Variants in CALCRL observed in about 807,000 individuals in gnomAD.
The protein encoded by CALCRL is calcitonin receptor like receptor, also known as calcitonin gene-related peptide type 1 receptor.
In CALCRL, 27 loss-of-function variants were observed where a neutral mutation model predicts 60.4. The ratio of observed to expected loss-of-function variants is 0.45; its 90% CI spans 0.33 to 0.62. The LOEUF (loss-of-function observed/expected upper bound fraction) is 0.62, where lower values mean the gene tolerates loss of function less well. CALCRL is among the 20% of genes least tolerant of loss of function. The pLI, the probability that CALCRL is intolerant of heterozygous loss-of-function variation, is 0.03. For synonymous variants in CALCRL, 190 were observed against 182.6 expected, an observed-to-expected ratio of 1.04 and a Z score of -0.33; for missense variants, 424 against 540.7, an observed-to-expected ratio of 0.78 and a Z score of 2.14.
intron 1 of CALCRL, among the ~76,000 whole-genome samples, chr2:187,439,902 G>A (rs1323186396): frequency 6.6e-6 from 1 of 152,110 alleles, no homozygotes; most frequent in Non-Finnish European, 1.5e-5. Context: ...GACATTTAAA[G>A]CTGGAATACA....
chr2:187,356,120 G>T (rs1686771302), intron 12 of CALCRL, among the ~76,000 whole-genome samples: 1 of 152,088 alleles, frequency 6.6e-6, no homozygotes, highest in Non-Finnish European at 1.5e-5. Context: ...AGCTACTATT[G>T]ACTTTCTTCA....
At chr2:187,421,382 G>A (rs1226145213) in intron 1 of CALCRL, among the ~76,000 whole-genome samples, 3 of 152,096 alleles carry the variant, frequency 2.0e-5, no homozygotes, top group Admixed American at 6.6e-5. Context: ...CTCAGAACAT[G>A]AGACTTCCAG....
intron 5 of CALCRL, among the ~76,000 whole-genome samples, chr2:187,382,558 C>G (rs778114221): frequency 2.0e-5 from 3 of 151,982 alleles, no homozygotes; most frequent in Non-Finnish European, 4.4e-5. Context: ...TTAAGGTTGC[C>G]AGGTAAAATA....
At chr2:187,381,524 C>T (rs1687985855) in intron 5 of CALCRL, among the ~76,000 whole-genome samples, 3 of 150,588 alleles carry the variant, frequency 2.0e-5, no homozygotes, top group South Asian at 4.2e-4. Flanking sequence ...GGTGTGATCT[C>T]GGCTCACTGC....
At chr2:187,390,105 G>C (rs1688371150) in intron 1 of CALCRL, among the ~76,000 whole-genome samples, 1 of 152,052 alleles carries the variant, frequency 6.6e-6, no homozygotes. Flanking sequence ...AAATTGTTGG[G>C]ATGTTTCCTA....
At chr2:187,353,411 C>CA (rs1440259273) in intron 12 of CALCRL, among the ~76,000 whole-genome samples, 4 of 151,674 alleles carry the variant, frequency 2.6e-5, no homozygotes, top group Non-Finnish European at 4.4e-5. Flanking sequence ...TTAAAAATTG[C>CA]AAAAAATAGT....
intron 1 of CALCRL, among the ~76,000 whole-genome samples, chr2:187,440,442 T>G (rs976788708): frequency 5.9e-5 from 9 of 152,310 alleles, no homozygotes; most frequent in African/African-American, 2.2e-4. Context: ...TAGTTAGATT[T>G]AATGAAACAT....
At chr2:187,382,053 T>G (rs899002825) in intron 5 of CALCRL, among the ~76,000 whole-genome samples, 1 of 152,200 alleles carries the variant, frequency 6.6e-6, no homozygotes, top group Non-Finnish European at 1.5e-5. Flanking sequence ...AATTTCTTGA[T>G]GTAGTTTTAG....
intron 14 of CALCRL, among the ~76,000 whole-genome samples, chr2:187,347,465 G>A (rs1317008414): frequency 1.3e-5 from 2 of 151,614 alleles, no homozygotes; most frequent in Admixed American, 6.6e-5. Flanking sequence ...GCAATTTTCT[G>A]GTAATTCATT....
chr2:187,358,644 C>T (rs1686910645), intron 12 of CALCRL, among the ~76,000 whole-genome samples: 1 of 151,806 alleles, frequency 6.6e-6, no homozygotes, highest in African/African-American at 2.4e-5. Context: ...TTGGAAAAAC[C>T]AAAAGATAAG....
chr2:187,364,115 T>C (rs1376664581), intron 8 of CALCRL, among the ~76,000 whole-genome samples: 1 of 152,138 alleles, frequency 6.6e-6, no homozygotes, highest in Non-Finnish European at 1.5e-5. Flanking sequence ...AAGGTAAAAA[T>C]AGTACCACCT....
intron 1 of CALCRL, among the ~76,000 whole-genome samples, chr2:187,406,288 C>T (rs1157583576): frequency 6.6e-6 from 1 of 151,470 alleles, no homozygotes; most frequent in East Asian, 1.9e-4. Context: ...AATTTCTTGG[C>T]TGTAATATTG....
At chr2:187,439,526 A>G (rs1396567621) in intron 1 of CALCRL, among the ~76,000 whole-genome samples, 1 of 152,094 alleles carries the variant, frequency 6.6e-6, no homozygotes, top group African/African-American at 2.4e-5. Flanking sequence ...AAAAACAGTA[A>G]ATATGTAAAT....
At chr2:187,395,195 C>CT (rs1010324541) in intron 1 of CALCRL, among the ~76,000 whole-genome samples, 6 of 152,040 alleles carry the variant, frequency 3.9e-5, no homozygotes, top group African/African-American at 1.4e-4. Context: ...CTCAGGTTTT[C>CT]TGACCTTAAA....
intron 1 of CALCRL, among the ~76,000 whole-genome samples, chr2:187,442,946 T>C (rs1475445800): frequency 6.6e-6 from 1 of 151,920 alleles, no homozygotes; most frequent in African/African-American, 2.4e-5. Flanking sequence ...ATAATATATG[T>C]AGGATAAAAC....
chr2:187,414,522 G>A lies in CALCRL; in HGVS notation c.-292-26766C>T, dbSNP rs17367069. Among the ~76,000 whole-genome samples the A allele has an allele frequency of 5.9e-3, 899 of 152,196 alleles. 5 individuals are homozygous for A. The highest frequency in any genetic ancestry group is 9.9e-3 in the Non-Finnish European group (674 of 67,988). On this transcript the variant is annotated intron_variant, in intron 1 of 14. Coordinates refer to ENST00000392370, the MANE Select transcript of CALCRL (RefSeq NM_005795.6). ...GTTGTAATTATTAGCTGCCAAGCCT[G>A]GAAGAGATTGAAAACATAACCTTTC...
rs539081348 is a variant in CALCRL at position 187,359,939 on chromosome 2, T to C, written c.781+659A>G. On this transcript the variant is annotated intron_variant, in intron 10 of 14. Coordinates refer to ENST00000392370, the MANE Select transcript of CALCRL (RefSeq NM_005795.6). ...GATAGATGATAGAGATATAGATAGA[T>C]AGATGATAGGGTAGATAGATGATAA... Among the ~76,000 whole-genome samples the C allele has an allele frequency of 3.3e-5, 5 of 152,066 alleles. No homozygotes were observed. In the East Asian group the frequency reaches 7.7e-4, roughly 23 times the overall value.
chr2:187,394,615 G>A (rs896523920), intron 1 of CALCRL, among the ~76,000 whole-genome samples: 1 of 151,884 alleles, frequency 6.6e-6, no homozygotes, highest in Non-Finnish European at 1.5e-5. Flanking sequence ...CCATTAGCTA[G>A]AAGTGTTTCT....
chr2:187,444,408 A>C lies in CALCRL; in HGVS notation c.-293+3631T>G, dbSNP rs973086360. ...ACTGGGTTGGGATTTTTGTCTTTTT[A>C]ATTTTTAGTAATGGAAAAGGTGTAT... On this transcript the variant is annotated intron_variant, in intron 1 of 14. Transcript: ENST00000392370. Among the ~76,000 whole-genome samples the C allele has an allele frequency of 4.6e-5, 7 of 151,500 alleles. No homozygotes were observed. The East Asian group carries it at 7.7e-4, about 17-fold the overall frequency.
Sources: gnomAD v4.1 joint callset for allele counts (sites outside exome capture counted in the v4.1 genomes callset) on GRCh38, gnomAD v4.1.1 for gene constraint, MANE v1.5 for transcripts, NCBI Gene and HGNC (gene_info 2026-07-23, HGNC 2026-07-21) for gene names.